The following DIS3L2 variants were observed in gnomAD, a reference collection of about 807,000 sequenced individuals.
The protein encoded by DIS3L2 is DIS3-like exonuclease 2.
In DIS3L2, 34 loss-of-function variants were observed where a neutral mutation model predicts 97.5. That is an observed-to-expected ratio of 0.35 (90% CI 0.27 to 0.46). The LOEUF (loss-of-function observed/expected upper bound fraction) is 0.46, where lower values mean the gene tolerates loss of function less well. DIS3L2 is among the 20% of genes least tolerant of loss of function. The probability of loss-of-function intolerance (pLI) is 1.00; values close to 1 mark genes in which losing one functional copy is unlikely to be tolerated. For synonymous variants in DIS3L2, 435 were observed against 445.2 expected (o/e 0.98, Z 0.29); for missense variants, 1,038 against 1,146.0 (o/e 0.91, Z 1.36).
intron 5 of DIS3L2, among the ~76,000 whole-genome samples, chr2:232,043,474 CTAAT>C (rs1469368466): frequency 2.0e-5 from 3 of 152,184 alleles, no homozygotes; most frequent in Non-Finnish European, 4.4e-5. Flanking sequence ...TCACGCTGGA[CTAAT>C]TAGATTCATT....
In DIS3L2 at chr2:232,293,697, T is replaced by C. The variant is rs555368175; in HGVS notation, c.1660-6343T>C. Among the ~76,000 whole-genome samples the C allele has an allele frequency of 3.9e-5, 6 of 152,324 alleles. No homozygotes were observed. In the South Asian group the frequency reaches 1.2e-3, roughly 32 times the overall value. On this transcript the variant is annotated intron_variant, in intron 13 of 20. Coordinates refer to ENST00000325385, the MANE Select transcript of DIS3L2 (RefSeq NM_152383.5). This position sits in a 1 kb window ranked among gnomAD's most constrained non-coding sequence, Gnocchi z 4.6. ...CCTCCCGAGCACAGGCCCACCTCTT[T>C]CCATTGCTCTGTTACTGTCCATATT...
At chr2:232,026,288 C>G (rs547790263) in intron 4 of DIS3L2, among the ~76,000 whole-genome samples, 1 of 151,932 alleles carries the variant, frequency 6.6e-6, no homozygotes, top group Non-Finnish European at 1.5e-5. Context: ...AAGTCTATTC[C>G]TTGCCAAATA....
chr2:232,265,885 G>A (rs1693845494), intron 13 of DIS3L2, among the ~76,000 whole-genome samples: 2 of 152,110 alleles, frequency 1.3e-5, no homozygotes, highest in South Asian at 4.1e-4. Context: ...GTAGAATTCC[G>A]GTTAGCATTC....
At chr2:232,290,313 C>T (rs1375498446) in intron 13 of DIS3L2, among the ~76,000 whole-genome samples, 2 of 152,230 alleles carry the variant, frequency 1.3e-5, no homozygotes, top group Non-Finnish European at 2.9e-5. Context: ...GGCCCACTAA[C>T]TGGGCAGGTC....
chr2:232,323,220 A>C (rs555530930), intron 14 of DIS3L2, among the ~76,000 whole-genome samples: 79 of 152,360 alleles, frequency 5.2e-4, no homozygotes, highest in African/African-American at 1.8e-3. Flanking sequence ...GCTTGGGGGC[A>C]GGGCCGCTGC....
At chr2:232,048,768 T>C (rs1288912090) in intron 5 of DIS3L2, among the ~76,000 whole-genome samples, 1 of 152,018 alleles carries the variant, frequency 6.6e-6, no homozygotes, top group African/African-American at 2.4e-5. Context: ...CGAAATATGT[T>C]TGTTGCTGTT....
chr2:232,181,709 G>C (rs1360088749), intron 9 of DIS3L2, among the ~76,000 whole-genome samples: 1 of 152,044 alleles, frequency 6.6e-6, no homozygotes, highest in African/African-American at 2.4e-5. Flanking sequence ...TGCGATCTCA[G>C]CTCACTGCAA....
At chr2:232,143,816 G>T (rs1426200829) in intron 8 of DIS3L2, among the ~76,000 whole-genome samples, 1 of 151,818 alleles carries the variant, frequency 6.6e-6, no homozygotes. Context: ...TTCCCTGTCT[G>T]TTCTCCTGTA....
chr2:232,104,344 G>T (rs553333177), intron 6 of DIS3L2, among the ~76,000 whole-genome samples: 2 of 152,224 alleles, frequency 1.3e-5, no homozygotes, highest in South Asian at 2.1e-4. Context: ...GACGCAGCAG[G>T]TATTGTTTAT....
At chr2:232,162,852 A>C (rs1487721356) in intron 8 of DIS3L2, among the ~76,000 whole-genome samples, 1 of 152,198 alleles carries the variant, frequency 6.6e-6, no homozygotes, top group East Asian at 1.9e-4. Flanking sequence ...CCCTGTTCAT[A>C]ATGTTAGCAT....
intron 1 of DIS3L2, among the ~76,000 whole-genome samples, chr2:231,994,477 T>C (rs1159203467): frequency 6.6e-6 from 1 of 152,206 alleles, no homozygotes; most frequent in East Asian, 1.9e-4. Flanking sequence ...AGAATTGATA[T>C]CTTTACTATG....
chr2:232,241,762 T>A (rs1050307562), intron 11 of DIS3L2, among the ~76,000 whole-genome samples: 1 of 152,232 alleles, frequency 6.6e-6, no homozygotes, highest in Non-Finnish European at 1.5e-5. Context: ...TCAACTGTCT[T>A]CTCTGGGAGA....
intron 1 of DIS3L2, among the ~76,000 whole-genome samples, chr2:231,990,367 A>G (rs1228798166): frequency 2.0e-5 from 3 of 152,112 alleles, no homozygotes; most frequent in Non-Finnish European, 4.4e-5. Flanking sequence ...AAGTCTGCAC[A>G]TTTTTCCCAA....
At chr2:232,078,021 T>TTTCTTTC (rs772990002) in intron 5 of DIS3L2, among the ~76,000 whole-genome samples, 18 of 112,786 alleles carry the variant, frequency 1.6e-4, no homozygotes, top group South Asian at 3.0e-4. Flanking sequence ...TTCTTTCTTT[T>TTTCTTTC]TCTCTTTCTC....
chr2:232,338,605 C>T (rs1342611810), downstream of DIS3L2, among the ~76,000 whole-genome samples: 2 of 152,012 alleles, frequency 1.3e-5, no homozygotes, highest in African/African-American at 2.4e-5. Flanking sequence ...CCAGCCAGGA[C>T]CTGGGCTCAG....
chr2:232,051,459 A>G (rs1163073718), intron 5 of DIS3L2, among the ~76,000 whole-genome samples: 1 of 152,188 alleles, frequency 6.6e-6, no homozygotes, highest in Non-Finnish European at 1.5e-5. Context: ...AGGAAGACCA[A>G]AAACACAGGA....
intron 2 of DIS3L2, 24 bp downstream of exon 2, chr2:232,015,003 G>A: frequency 6.2e-7 from 1 of 1,613,244 alleles, no homozygotes; most frequent in South Asian, 1.1e-5. Flanking sequence ...AATGGAGTCT[G>A]CCTGAATAAC....
chr2:232,004,976 G>A (rs1029071029), intron 1 of DIS3L2, among the ~76,000 whole-genome samples: 2 of 152,036 alleles, frequency 1.3e-5, no homozygotes, highest in African/African-American at 2.4e-5. Context: ...CTCAGTGAGC[G>A]TAGTTATCAG....
At chr2:232,105,164 C>G (rs1697325951) in intron 6 of DIS3L2, among the ~76,000 whole-genome samples, 1 of 152,306 alleles carries the variant, frequency 6.6e-6, no homozygotes, top group Admixed American at 6.5e-5. Context: ...TGAATTATTT[C>G]TACCTTTGGC....
Sources: gnomAD v4.1 joint callset for allele counts (sites outside exome capture counted in the v4.1 genomes callset) on GRCh38, gnomAD v4.1.1 for gene constraint, Gnocchi (gnomAD v3.1) non-coding constraint, MANE v1.5 for transcripts, NCBI Gene and HGNC (gene_info 2026-07-23, HGNC 2026-07-21) for gene names.